The following CARS1 variants were observed in gnomAD, a reference collection of about 807,000 sequenced individuals.
The protein encoded by CARS1 is cysteine--tRNA ligase, cytoplasmic.
A neutral mutation model predicts 106.2 loss-of-function variants in CARS1; 48 were observed. That is an observed-to-expected ratio of 0.45 (90% confidence interval 0.36 to 0.57). CARS1 has a LOEUF of 0.57. Among genes scored for constraint, CARS1 ranks in the 20% least tolerant of loss-of-function variants. The pLI is 0.00. For synonymous variants in CARS1, 409 were observed against 403.4 expected, an observed-to-expected ratio of 1.01 and a Z score of -0.17; for missense variants, 968 against 1,057.2, an observed-to-expected ratio of 0.92 and a Z score of 1.17.
At position 3,048,875 on chromosome 11, in the gene CARS1, A is replaced by G. The variant is rs886119620; in HGVS notation, c.26-874T>C. On this transcript the variant is annotated intron_variant, in intron 1 of 22. Transcript: ENST00000380525. The surrounding 1 kb of genome is among the most constrained non-coding windows in gnomAD (Gnocchi z 5.1). ...CAGCCTCCCTCCTTAGAGCCTTCAA[A>G]GCAGTAAGCGTGCACCTCCACCACT... Among the ~76,000 whole-genome samples the G allele has an allele frequency of 1.3e-5, 2 of 152,184 alleles. No individual in the cohort carries two copies. Among genetic ancestry groups the G allele is most frequent in the Non-Finnish European group, 2.9e-5 (2 of 68,032 alleles).
chr11:3,012,072 A>C (rs1357356859), intron 18 of CARS1, 123 bp downstream of exon 18: 4 of 872,028 alleles, frequency 4.6e-6, no homozygotes, highest in Non-Finnish European at 7.6e-6. Context: ...CCTGTGGTGC[A>C]CGGGGCAGCC....
rs536207607 is a variant in CARS1, at chr11:3,053,642, C to T, written c.25+3701G>A. Among the ~76,000 whole-genome samples, 140 of 152,304 alleles carry T rather than the reference C, an allele frequency of 9.2e-4. 1 individual carries two copies. Among genetic ancestry groups the T allele is most frequent in the Non-Finnish European group, 1.5e-3 (103 of 68,020 alleles). ...CCCTGGTGTGCCTTCAGCAGCAGAACCTGGGGGATCCAGAGAAGTCACATT... is the reference window on the plus strand; with the variant it reads ...CCCTGGTGTGCCTTCAGCAGCAGAATCTGGGGGATCCAGAGAAGTCACATT... On this transcript the variant is annotated intron_variant, in intron 1 of 22. Coordinates refer to ENST00000380525, the MANE Select transcript of CARS1 (RefSeq NM_001014437.3). This position sits in a 1 kb window ranked among gnomAD's most constrained non-coding sequence, Gnocchi z 6.6.
At chr11:3,033,099 C>G (rs1853087352) in intron 7 of CARS1, among the ~76,000 whole-genome samples, 1 of 151,250 alleles carries the variant, frequency 6.6e-6, no homozygotes, top group African/African-American at 2.4e-5. Context: ...CAGACAAATT[C>G]ATCATCAGAG....
At chr11:3,027,464 C>T (rs201814614) in intron 9 of CARS1, 1 of 171,878 alleles carries the variant, frequency 5.8e-6, no homozygotes, top group Non-Finnish European at 1.3e-5. Flanking sequence ...GCAAGCCACC[C>T]AGGTGCCGAG....
rs1443640724 is a variant in CARS1, at chr11:3,001,213, G to A, written c.2397C>T (p.Leu799=). 1.2e-6 allele frequency: 2 copies of A among 1,613,818 alleles called. No homozygotes were observed. The highest frequency in any genetic ancestry group is 2.2e-5 in the East Asian group (1 of 44,896). ...TCAGCTTCTTGGCTTGCCCTTTGCT[G>A]AGCTCTTTGCCCTCCATGTCATGTG... ...LPTHDMEGKE[L]SKGQAKKLKK... is the part of the protein sequence containing the mutation. Residue 799 remains leucine (L), a synonymous_variant, in exon 23 of 23, where the codon CTC becomes CTT. Coordinates refer to ENST00000380525, the MANE Select transcript of CARS1 (RefSeq NM_001014437.3).
intron 1 of CARS1, among the ~76,000 whole-genome samples, chr11:3,055,608 G>C (rs1413906720): frequency 6.6e-6 from 1 of 152,252 alleles, no homozygotes; most frequent in East Asian, 1.9e-4. Context: ...ACAGCCCGGA[G>C]AGGGCAATCC....
chr11:3,047,657 T>G, intron 2 of CARS1, 96 bp downstream of exon 2: 1 of 1,475,402 alleles, frequency 6.8e-7, no homozygotes, highest in Non-Finnish European at 9.1e-7. Context: ...CCCTCTGGGG[T>G]ATCCGCAGAC....
rs771604633 is a variant in CARS1, at chr11:3,026,666, C to CCCTCCTCA, written c.1153+2_1153+9dup. On this transcript the variant is annotated intron_variant, in intron 10 of 22. Transcript: ENST00000380525. ...GAGAGCCCACATGCTCTCAGGCATG[C>CCCTCCTCA]CCTCCTCACCTTCCCCTTCTTGAAG... 6.2e-7 allele frequency: 1 copy of CCCTCCTCA among 1,612,910 alleles called. No individual in the cohort carries two copies. Among genetic ancestry groups the CCCTCCTCA allele is most frequent in the East Asian group, 2.2e-5 (1 of 44,850 alleles).
chr11:3,009,241 T>G (rs1256866112), intron 18 of CARS1: 1 of 152,140 alleles, frequency 6.6e-6, no homozygotes. Flanking sequence ...CATCCATCCA[T>G]GGAATATGAT....
In CARS1 at chr11:3,016,910, C is replaced by T. The variant is rs140131933; in HGVS notation, c.1917+196G>A. Among the ~76,000 whole-genome samples the T allele has an allele frequency of 2.6e-5, 4 of 152,346 alleles. No individual in the cohort carries two copies. In the East Asian group the frequency reaches 7.7e-4, roughly 29 times the overall value. On this transcript the variant is annotated intron_variant, in intron 16 of 22. Transcript: ENST00000380525. ...TATAGATGTGAGCCACTGTGCTCCG[C>T]TTATGGGTGTTATTTCTAACGCGTG...
chr11:3,027,872 G>A, intron 9 of CARS1: 1 of 454,132 alleles, frequency 2.2e-6, no homozygotes, highest in Non-Finnish European at 4.4e-6. Context: ...GACCGGGAAA[G>A]GGAGTCTCCC....
At chr11:3,042,574 A>G (rs1000027703) in intron 2 of CARS1, among the ~76,000 whole-genome samples, 9 of 152,258 alleles carry the variant, frequency 5.9e-5, no homozygotes, top group African/African-American at 2.2e-4. Context: ...TACCCCAATA[A>G]CACCCTTAGA....
Position 3,026,233 on chromosome 11 carries a change from T to C in CARS1, c.1153+443A>G, listed in dbSNP as rs763534151. ...CAGTGAGTGGAGAGAGGTTGGTTTC[T>C]AGGCACAAACACACAGACAGAAAGA... is the stretch of plus-strand genomic sequence containing the variant. On this transcript the variant is annotated intron_variant, in intron 10 of 22. Coordinates refer to ENST00000380525, the MANE Select transcript of CARS1 (RefSeq NM_001014437.3). Among the ~76,000 whole-genome samples, 3 of 152,308 alleles carry C rather than the reference T, an allele frequency of 2.0e-5. No individual in the cohort carries two copies. The East Asian group carries it at 5.8e-4, about 29-fold the overall frequency.
rs1172800741 is a variant in CARS1, at chr11:3,046,604, T to G, written c.274+1149A>C. ...CTCCAGCCTGGTTAAAACAGTGATC[T>G]AGCAGAGGCCTGACCCACGGCAGAG... On this transcript the variant is annotated intron_variant, in intron 2 of 22. Coordinates refer to ENST00000380525, the MANE Select transcript of CARS1 (RefSeq NM_001014437.3). This position sits in a 1 kb window ranked among gnomAD's most constrained non-coding sequence, Gnocchi z 5.8. 6.6e-6 allele frequency among the ~76,000 whole-genome samples: 1 copy of G among 152,168 alleles called. No individual in the cohort carries two copies.
Position 3,029,175 on chromosome 11 carries a change from A to G in CARS1, c.943-91T>C. On this transcript the variant is annotated intron_variant, in intron 8 of 22. Coordinates refer to ENST00000380525, the MANE Select transcript of CARS1 (RefSeq NM_001014437.3). The surrounding 1 kb of genome is among the most constrained non-coding windows in gnomAD (Gnocchi z 5.9). Reference sequence around the variant, plus strand: ...TCCCAATTCATAAAACGAAAAGCCCATTATGCCCCTCAACTCAAGTTCAAT... The same window carrying G: ...TCCCAATTCATAAAACGAAAAGCCCGTTATGCCCCTCAACTCAAGTTCAAT... 2 of 1,423,804 alleles carry G rather than the reference A, an allele frequency of 1.4e-6. No individual in the cohort carries two copies. Among genetic ancestry groups the G allele is most frequent in the Non-Finnish European group, 2.0e-6 (2 of 1,009,662 alleles). 88.2% of individuals were successfully genotyped at this position (1,423,804 alleles called of 1,614,324 possible).
At position 3,029,642 on chromosome 11, in the gene CARS1, C is replaced by G; in HGVS notation, c.802-199G>C. On this transcript the variant is annotated intron_variant, in intron 7 of 22. Coordinates refer to ENST00000380525, the MANE Select transcript of CARS1 (RefSeq NM_001014437.3). This position sits in a 1 kb window ranked among gnomAD's most constrained non-coding sequence, Gnocchi z 5.9. ...ACAAATACAAGACTCTACAAATGGG[C>G]AGGTCTCACATGAACTCAGAGGAGC... 1.7e-6 allele frequency: 1 copy of G among 578,858 alleles called. No homozygotes were observed. Among genetic ancestry groups the G allele is most frequent in the African/African-American group, 1.9e-5 (1 of 53,620 alleles). The allele number at this position is 578,858 out of a possible 1,614,324, so 35.9% of individuals were successfully genotyped here. A position where few individuals can be genotyped will look rare whatever the true frequency, so the allele number is the denominator to read the frequency against.
Position 3,019,305 on chromosome 11 carries a change from C to T in CARS1, c.1267-38G>A, listed in dbSNP as rs1213008977. 7.3e-7 allele frequency: 1 copy of T among 1,375,684 alleles called. No individual in the cohort carries two copies. The highest frequency in any genetic ancestry group is 9.5e-7 in the Non-Finnish European group (1 of 1,056,218). The allele number at this position is 1,375,684 out of a possible 1,614,324, so 85.2% of individuals were successfully genotyped here. A position where few individuals can be genotyped will look rare whatever the true frequency, so the allele number is the denominator to read the frequency against. On this transcript the variant is annotated intron_variant, in intron 11 of 22. Transcript: ENST00000380525. This position sits in a 1 kb window ranked among gnomAD's most constrained non-coding sequence, Gnocchi z 6.2. ...GAACACACAGTGACTGACCAGCCTA[C>T]CCGCTTGTCCAGGCCTTTATCACTT...
intron 7 of CARS1, among the ~76,000 whole-genome samples, chr11:3,036,164 A>T (rs1320520448): frequency 6.6e-6 from 1 of 152,226 alleles, no homozygotes; most frequent in East Asian, 1.9e-4. Flanking sequence ...AGGAAGCTTC[A>T]GCAGCCTGCC....
Position 3,042,202 on chromosome 11 carries a change from C to T in CARS1, c.329G>A (p.Cys110Tyr). Residue 110 changes from cysteine to tyrosine, a missense_variant, in exon 3 of 23, where the codon TGC becomes TAC. Cys to Tyr is a radical substitution (Grantham distance 194, BLOSUM62 -2). Transcript: ENST00000380525. ...QWSPPAGTQP[C>Y]RLHLYNSLTR... ...GAGGCTGTTGTAAAGGTGGAGTCTG[C>T]ATGGCTGGGTCCCAGCAGGAGGGGA... 1 of 1,613,902 alleles carries T rather than the reference C, an allele frequency of 6.2e-7. No homozygotes were observed. The highest frequency in any genetic ancestry group is 1.1e-5 in the South Asian group (1 of 91,082).
Sources: allele counts gnomAD v4.1 joint callset (sites outside exome capture counted in the v4.1 genomes callset), GRCh38; gene constraint gnomAD v4.1.1; non-coding constraint Gnocchi (gnomAD v3.1); transcripts MANE v1.5; gene names NCBI Gene and HGNC (gene_info 2026-07-23, HGNC 2026-07-21).